Variants in NFKBIZ observed in about 807,000 individuals in gnomAD.
The protein encoded by NFKBIZ is NFKB inhibitor zeta.
A neutral mutation model predicts 76.8 loss-of-function variants in NFKBIZ; 19 were observed. That is an observed-to-expected ratio of 0.25 (90% confidence interval 0.17 to 0.36). NFKBIZ has a LOEUF of 0.36. Ranked by LOEUF, NFKBIZ falls within the 10% of genes least tolerant of loss-of-function variation. The probability of loss-of-function intolerance (pLI) is 1.00; values close to 1 mark genes in which losing one functional copy is unlikely to be tolerated. For synonymous variants in NFKBIZ, 368 were observed against 354.8 expected (o/e 1.04, Z -0.42); for missense variants, 829 against 910.9 (o/e 0.91, Z 1.16).
chr3:101,855,938 G>A (rs761515013), intron 9 of NFKBIZ, 36 bp downstream of exon 9: 215 of 1,552,794 alleles, frequency 1.4e-4, no homozygotes, highest in Non-Finnish European at 1.8e-4. Flanking sequence ...TGGGGTAGGG[G>A]AGAAACTGGT....
chr3:101,833,088 T>C (rs755626463), intron 2 of NFKBIZ, among the ~76,000 whole-genome samples: 11 of 152,224 alleles, frequency 7.2e-5, no homozygotes, highest in East Asian at 1.9e-4. Context: ...CACACACTTA[T>C]GAAGATGTGC....
chr3:101,834,517 C>T (rs1209346702), intron 2 of NFKBIZ, among the ~76,000 whole-genome samples: 11 of 152,210 alleles, frequency 7.2e-5, no homozygotes, highest in South Asian at 6.2e-4. Context: ...CCCGCCACCA[C>T]GCCCGGCTAA....
intron 11 of NFKBIZ, chr3:101,857,904 T>A: frequency 1.2e-6 from 1 of 850,956 alleles, no homozygotes; most frequent in Non-Finnish European, 1.4e-6. Context: ...ACATCAATAG[T>A]TAGAATTATT....
At chr3:101,851,414 A>G (rs1183127760) in intron 1 of NFKBIZ, among the ~76,000 whole-genome samples, 1 of 152,258 alleles carries the variant, frequency 6.6e-6, no homozygotes, top group Non-Finnish European at 1.5e-5. Context: ...TCCTGTGTGC[A>G]TATGTAGAAA....
At position 101,849,536 on chromosome 3, in the gene NFKBIZ, C is replaced by T; in HGVS notation, c.-93C>T. On this transcript the variant is annotated 5_prime_UTR_variant, in exon 1 of 12. Transcript: ENST00000326172. ...CCCGTACTGGCCCGCGCCGTCCGCC[C>T]GCCGACAGCTCCCTGAGCCAGCCCG... The T allele has an allele frequency of 3.5e-6, 4 of 1,143,528 alleles. No homozygotes were observed. Among genetic ancestry groups the T allele is most frequent in the Non-Finnish European group, 4.5e-6 (4 of 895,516 alleles). 70.8% of individuals were successfully genotyped at this position (1,143,528 alleles called of 1,614,324 possible).
chr3:101,845,581 C>T (rs572117712), upstream of NFKBIZ, among the ~76,000 whole-genome samples: 4 of 152,188 alleles, frequency 2.6e-5, no homozygotes, highest in Non-Finnish European at 4.4e-5. Flanking sequence ...GGATTACAGG[C>T]GTGAGCCACT....
chr3:101,857,505 C>G (rs1943067708), intron 11 of NFKBIZ, 46 bp downstream of exon 11: 1 of 1,609,466 alleles, frequency 6.2e-7, no homozygotes, highest in Non-Finnish European at 8.5e-7. Context: ...GCACTGCAGT[C>G]TGAAACAGAA....
intron 2 of NFKBIZ, 25 bp from the exon 3 acceptor site, chr3:101,852,713 A>G: frequency 6.3e-7 from 1 of 1,580,654 alleles, no homozygotes; most frequent in East Asian, 2.2e-5. Flanking sequence ...TGTATACACT[A>G]AATTGGAAAC....
intron 2 of NFKBIZ, among the ~76,000 whole-genome samples, chr3:101,831,538 G>T (rs1445560211): frequency 6.6e-6 from 1 of 152,038 alleles, no homozygotes; most frequent in Non-Finnish European, 1.5e-5. Flanking sequence ...TCCAGAGGGG[G>T]AACAACGTTT....
chr3:101,835,896 GA>G (rs996470540), intron 2 of NFKBIZ, among the ~76,000 whole-genome samples: 33 of 152,260 alleles, frequency 2.2e-4, no homozygotes, highest in Admixed American at 1.8e-3. Flanking sequence ...TTCAGCAGGG[GA>G]AAACATGAAT....
chr3:101,830,322 T>C (rs1942631264), intron 2 of NFKBIZ, among the ~76,000 whole-genome samples: 1 of 152,214 alleles, frequency 6.6e-6, no homozygotes, highest in Admixed American at 6.5e-5. Context: ...ATTTTATTTA[T>C]TTATTTTTGT....
At chr3:101,852,001 G>T in intron 1 of NFKBIZ, 84 bp from the exon 2 acceptor site, 1 of 1,512,166 alleles carries the variant, frequency 6.6e-7, no homozygotes, top group Non-Finnish European at 8.9e-7. Context: ...TATACATTAG[G>T]CAACAGCTAT....
chr3:101,852,264 G>A (rs765981479), intron 2 of NFKBIZ, 40 bp downstream of exon 2: 4 of 1,604,914 alleles, frequency 2.5e-6, no homozygotes, highest in Non-Finnish European at 3.4e-6. Context: ...GAGTTGGGGA[G>A]AGGGGTTAGT....
At chr3:101,844,391 G>A (rs531865172) in intron 2 of NFKBIZ, among the ~76,000 whole-genome samples, 1 of 152,316 alleles carries the variant, frequency 6.6e-6, no homozygotes, top group Admixed American at 6.5e-5. Context: ...AGACAGTGGT[G>A]AAGAATACAA....
At position 101,853,317 on chromosome 3, in the gene NFKBIZ, C is replaced by T. The variant is rs1432377095; in HGVS notation, c.791C>T (p.Ser264Phe). ...CQDFHGGQVF[S>F]PPQKCQPFQV... Reference sequence around the variant, plus strand: ...GACTTCCATGGAGGGCAGGTCTTTTCTCCACCTCAGAAATGCCAACCATTC... The same window carrying T: ...GACTTCCATGGAGGGCAGGTCTTTTTTCCACCTCAGAAATGCCAACCATTC... Residue 264 changes from serine (S) to phenylalanine (F), a missense_variant, in exon 5 of 12, where the codon TCT becomes TTT. Around this residue, in one of 4 missense-constraint regions of NFKBIZ, gnomAD observed 371 missense variants for 332.3 expected, o/e 1.12. Transcript: ENST00000326172. 6.2e-7 allele frequency: 1 copy of T among 1,614,182 alleles called. No homozygotes were observed. Among genetic ancestry groups the T allele is most frequent in the Non-Finnish European group, 8.5e-7 (1 of 1,180,028 alleles).
intron 2 of NFKBIZ, among the ~76,000 whole-genome samples, chr3:101,830,057 C>T (rs1340800489): frequency 6.6e-6 from 1 of 152,062 alleles, no homozygotes; most frequent in Non-Finnish European, 1.5e-5. Context: ...CATCATGCCC[C>T]CTCTCAGTTT....
chr3:101,854,609 A>G lies in NFKBIZ; in HGVS notation c.1369A>G (p.Arg457Gly), dbSNP rs745591458. 6.2e-7 allele frequency: 1 copy of G among 1,613,674 alleles called. No individual in the cohort carries two copies. The highest frequency in any genetic ancestry group is 8.5e-7 in the Non-Finnish European group (1 of 1,179,696). ...TCATATTGCTGTTGCCCAAGGGAGA[A>G]GGGCACTTTCCTATGTTCTTGCAAG... is the stretch of plus-strand genomic sequence containing the variant. Reference protein sequence around the residue: ...FLHIAVAQGRRALSYVLARKM... With the variant: ...FLHIAVAQGRGALSYVLARKM... The change falls in exon 6 of 12, where the codon AGG becomes GGG. Residue 457 changes from arginine (R) to glycine (G), a missense_variant. Physicochemically the swap from Arg to Gly is moderately radical, Grantham distance 125. Transcript: ENST00000326172.
At chr3:101,842,041 G>T (rs1353983930) in intron 2 of NFKBIZ, among the ~76,000 whole-genome samples, 1 of 152,208 alleles carries the variant, frequency 6.6e-6, no homozygotes, top group Non-Finnish European at 1.5e-5. Flanking sequence ...AGAGGAGACA[G>T]ACTCATAAAT....
At chr3:101,835,429 C>G (rs746787096) in intron 2 of NFKBIZ, among the ~76,000 whole-genome samples, 1 of 152,134 alleles carries the variant, frequency 6.6e-6, no homozygotes, top group Non-Finnish European at 1.5e-5. Context: ...CTAGGGCTGC[C>G]GTAACACAAT....
Sources: allele counts gnomAD v4.1 joint callset (sites outside exome capture counted in the v4.1 genomes callset), GRCh38; gene constraint gnomAD v4.1.1; regional missense constraint gnomAD v4.1.1; transcripts MANE v1.5; gene names NCBI Gene and HGNC (gene_info 2026-07-23, HGNC 2026-07-21).